GRIN2D: variants seen among roughly 807,000 people sequenced by gnomAD.
GRIN2D encodes glutamate ionotropic receptor NMDA type subunit 2D.
In GRIN2D, 37 loss-of-function variants were observed where a neutral mutation model predicts 103.2. The ratio of observed to expected loss-of-function variants is 0.36; its 90% CI spans 0.28 to 0.47. GRIN2D has a LOEUF of 0.47. GRIN2D is among the 20% of genes least tolerant of loss of function. GRIN2D has a pLI of 1.00. For synonymous variants in GRIN2D, 845 were observed against 885.6 expected (o/e 0.95, Z 0.81); for missense variants, 1,557 against 1,910.6 (o/e 0.81, Z 3.45).
Position 48,414,682 on chromosome 19 carries a change from AC to A in GRIN2D, c.1412+101del. Reference sequence around the variant, plus strand: ...GCCCCCTCCTCCCTTGGGACCCAGGACCCACAAAGCCCTCCAGCTTGGTGAC... The same window carrying A: ...GCCCCCTCCTCCCTTGGGACCCAGGACCACAAAGCCCTCCAGCTTGGTGAC... On this transcript the variant is annotated intron_variant, in intron 6 of 13. Coordinates refer to ENST00000263269, the MANE Select transcript of GRIN2D (RefSeq NM_000836.4). The surrounding 1 kb of genome is among the most constrained non-coding windows in gnomAD (Gnocchi z 4.6). 7.8e-7 allele frequency: 1 copy of A among 1,286,440 alleles called. No individual in the cohort carries two copies. Among genetic ancestry groups the A allele is most frequent in the Non-Finnish European group, 1.1e-6 (1 of 924,240 alleles). The allele number at this position is 1,286,440 out of a possible 1,614,324, so 79.7% of individuals were successfully genotyped here. A position where few individuals can be genotyped will look rare whatever the true frequency, so the allele number is the denominator to read the frequency against.
At chr19:48,437,118 T>C (rs1971241981) in intron 11 of GRIN2D, among the ~76,000 whole-genome samples, 1 of 152,098 alleles carries the variant, frequency 6.6e-6, no homozygotes, top group East Asian at 1.9e-4. Flanking sequence ...GAGGTCTTTT[T>C]GTTTTGTTTT....
Position 48,442,977 on chromosome 19 carries a change from C to G in GRIN2D, c.3051C>G (p.Ala1017=). ...YFAIVRDKEP[A]EPPAGAFPGF... ...CCATCGTACGCGACAAGGAGCCAGC[C>G]GAGCCCCCCGCCGGCGCCTTCCCCG... is the stretch of plus-strand genomic sequence containing the variant. The change falls in exon 14 of 14, where the codon GCC becomes GCG. Residue 1017 remains alanine (A), a synonymous_variant. Transcript: ENST00000263269. The surrounding 1 kb of genome is among the most constrained non-coding windows in gnomAD (Gnocchi z 7.2). 1.8e-6 allele frequency: 2 copies of G among 1,119,782 alleles called. No individual in the cohort carries two copies. The highest frequency in any genetic ancestry group is 2.2e-6 in the Non-Finnish European group (2 of 908,960). The allele number at this position is 1,119,782 out of a possible 1,614,324, so 69.4% of individuals were successfully genotyped here. A position where few individuals can be genotyped will look rare whatever the true frequency, so the allele number is the denominator to read the frequency against.
intron 4 of GRIN2D, among the ~76,000 whole-genome samples, chr19:48,412,410 GAA>G (rs1970874734): frequency 7.6e-6 from 1 of 132,006 alleles, no homozygotes; most frequent in African/African-American, 2.8e-5. Flanking sequence ...AAGAAAGAAA[GAA>G]AGAGAAAGAA....
chr19:48,397,231 T>G (rs1970653574), intron 2 of GRIN2D, among the ~76,000 whole-genome samples: 1 of 152,034 alleles, frequency 6.6e-6, no homozygotes. Flanking sequence ...GTGGTCAGGG[T>G]GAGGAGTAAG....
chr19:48,410,845 C>T (rs1338679876), intron 4 of GRIN2D, among the ~76,000 whole-genome samples: 1 of 151,862 alleles, frequency 6.6e-6, no homozygotes, highest in Non-Finnish European at 1.5e-5. Flanking sequence ...ACTTGGGGAC[C>T]GATAGGCTGG....
intron 8 of GRIN2D, among the ~76,000 whole-genome samples, chr19:48,418,534 G>C (rs1970975347): frequency 6.6e-6 from 1 of 152,134 alleles, no homozygotes; most frequent in Admixed American, 6.6e-5. Context: ...CAGGAGGCTG[G>C]GGAAATGGTT....
Position 48,442,626 on chromosome 19 carries a change from G to A in GRIN2D, c.2700G>A (p.Glu900=). 1 of 1,498,870 alleles carries A rather than the reference G, an allele frequency of 6.7e-7. No homozygotes were observed. Among genetic ancestry groups the A allele is most frequent in the Non-Finnish European group, 8.9e-7 (1 of 1,126,390 alleles). 92.8% of individuals were successfully genotyped at this position (1,498,870 alleles called of 1,614,324 possible). A position where few individuals can be genotyped will look rare whatever the true frequency, so the allele number is the denominator to read the frequency against. Residue 900 remains glutamate, a synonymous_variant, in exon 14 of 14, where the codon GAG becomes GAA. Coordinates refer to ENST00000263269, the MANE Select transcript of GRIN2D (RefSeq NM_000836.4). The surrounding 1 kb of genome is among the most constrained non-coding windows in gnomAD (Gnocchi z 7.2). Reference sequence around the variant, plus strand: ...GCATGTACAGCTGCTGCAGCGCTGAGGCCGCCCCACCGCCCGCCAAGCCCC... The same window carrying A: ...GCATGTACAGCTGCTGCAGCGCTGAAGCCGCCCCACCGCCCGCCAAGCCCC... The part of the protein sequence containing the change: ...SRGMYSCCSA[E]AAPPPAKPPP...
At position 48,418,741 on chromosome 19, in the gene GRIN2D, C is replaced by T. The variant is rs559594007; in HGVS notation, c.1736-493C>T. On this transcript the variant is annotated intron_variant, in intron 8 of 13. Transcript: ENST00000263269. The stretch of plus-strand genomic sequence containing the variant: ...ATGGTGGGGCTCCCATCATGAGGAG[C>T]GTGGGAGCTGGTCTGGGCTCAGCAT... Among the ~76,000 whole-genome samples the T allele has an allele frequency of 2.5e-3, 383 of 151,952 alleles. 3 individuals are homozygous for T. Among genetic ancestry groups the T allele is most frequent in the African/African-American group, 8.9e-3 (367 of 41,446 alleles).
At position 48,421,587 on chromosome 19, in the gene GRIN2D, T is replaced by A. The variant is rs1971024112; in HGVS notation, c.2092-198T>A. On this transcript the variant is annotated intron_variant, in intron 10 of 13. Transcript: ENST00000263269. This position sits in a 1 kb window ranked among gnomAD's most constrained non-coding sequence, Gnocchi z 4.8. Reference sequence around the variant, plus strand: ...CCTCAGGGAGGCTTCTCGTGAACTTTTGGATCACGTGTCTGCAACCGTGTG... The same window carrying A: ...CCTCAGGGAGGCTTCTCGTGAACTTATGGATCACGTGTCTGCAACCGTGTG... Among the ~76,000 whole-genome samples, 2 of 152,128 alleles carry A rather than the reference T, an allele frequency of 1.3e-5. No homozygotes were observed. The highest frequency in any genetic ancestry group is 2.9e-5 in the Non-Finnish European group (2 of 68,028).
chr19:48,412,469 GAAAGAAAGAA>G (rs1569063233), intron 4 of GRIN2D, among the ~76,000 whole-genome samples: 24 of 149,948 alleles, frequency 1.6e-4, no homozygotes, highest in African/African-American at 5.4e-4. Context: ...AAGAAAGAAA[GAAAGAAAGAA>G]AGAGAGAGAA....
rs758926779 is a variant in GRIN2D, at chr19:48,405,243, C to G, written c.975C>G (p.Ala325=). Residue 325 remains alanine (A), a synonymous_variant, in exon 4 of 14, where the codon GCC becomes GCG. Transcript: ENST00000263269. This position sits in a 1 kb window ranked among gnomAD's most constrained non-coding sequence, Gnocchi z 5.1. ...CTCGGCGAGTGGCAGCTGGCGTGGC[C>G]GTAGTGGCCAGAGGTGCCCAGGCCC... ...DLARRVAAGV[A]VVARGAQALL... 1 of 1,597,852 alleles carries G rather than the reference C, an allele frequency of 6.3e-7. No individual in the cohort carries two copies. The highest frequency in any genetic ancestry group is 8.5e-7 in the Non-Finnish European group (1 of 1,177,216).
At position 48,442,920 on chromosome 19, in the gene GRIN2D, G is replaced by GC; in HGVS notation, c.2999dup (p.Gln1001AlafsTer331). The GC allele has an allele frequency of 8.9e-7, 1 of 1,121,204 alleles. No homozygotes were observed. Among genetic ancestry groups the GC allele is most frequent in the Non-Finnish European group, 1.1e-6 (1 of 913,494 alleles). The allele number at this position is 1,121,204 out of a possible 1,614,324, so 69.5% of individuals were successfully genotyped here. A position where few individuals can be genotyped will look rare whatever the true frequency, so the allele number is the denominator to read the frequency against. On this transcript the variant is annotated frameshift_variant, in exon 14 of 14. Transcript: ENST00000263269. LOFTEE classifies it high-confidence loss of function. The surrounding 1 kb of genome is among the most constrained non-coding windows in gnomAD (Gnocchi z 7.2). The stretch of plus-strand genomic sequence containing the variant: ...GCCCGCTGTCCCCGCCGGCCGCTCA[G>GC]CCCCCGCAGAAGCCGCCGCCCTCCT...
intron 4 of GRIN2D, among the ~76,000 whole-genome samples, chr19:48,413,204 G>A (rs534621408): frequency 7.0e-6 from 1 of 142,556 alleles, no homozygotes; most frequent in Non-Finnish European, 1.5e-5. Flanking sequence ...AGAGGGCATG[G>A]TGGCTCATGC....
chr19:48,420,252 C>A (rs1258246109), intron 10 of GRIN2D, among the ~76,000 whole-genome samples: 1 of 151,256 alleles, frequency 6.6e-6, no homozygotes, highest in African/African-American at 2.4e-5. Context: ...CACGGTGAAA[C>A]CCCGTCTCTT....
intron 10 of GRIN2D, among the ~76,000 whole-genome samples, chr19:48,420,181 C>T (rs1484303170): frequency 6.6e-6 from 1 of 152,100 alleles, no homozygotes; most frequent in Non-Finnish European, 1.5e-5. Flanking sequence ...GTAATCCCAG[C>T]ACGTTGGGAG....
In GRIN2D at chr19:48,438,368, G is replaced by A. The variant is rs541882906; in HGVS notation, c.2253-3401G>A. Reference sequence around the variant, plus strand: ...GGCTGGAGTGTAGTGGTGCGATCTCGGCTCACTGCAACCTCTGCCTCCCGA... The same window carrying A: ...GGCTGGAGTGTAGTGGTGCGATCTCAGCTCACTGCAACCTCTGCCTCCCGA... On this transcript the variant is annotated intron_variant, in intron 11 of 13. Transcript: ENST00000263269. 1.7e-4 allele frequency among the ~76,000 whole-genome samples: 22 copies of A among 132,506 alleles called. No individual in the cohort carries two copies. The South Asian group carries it at 2.9e-3, about 17-fold the overall frequency. 86.9% of individuals were successfully genotyped at this position (132,506 alleles called of 152,430 possible).
Position 48,441,791 on chromosome 19 carries a change from G to C in GRIN2D, c.2275G>C (p.Asp759His). The C allele has an allele frequency of 6.2e-7, 1 of 1,612,382 alleles. No individual in the cohort carries two copies. The highest frequency in any genetic ancestry group is 8.5e-7 in the Non-Finnish European group (1 of 1,178,846). ...CAGGAAGCTGGACGCCTTCATCTAC[G>C]ATGCTGCAGTGCTCAATTACATGGC... is the stretch of plus-strand genomic sequence containing the variant. ...KAGKLDAFIY[D>H]AAVLNYMARK... Residue 759 changes from aspartate to histidine, a missense_variant, in exon 12 of 14, where the codon GAT (aspartate) becomes CAT (histidine). Asp to His is a moderately conservative substitution (Grantham distance 81, BLOSUM62 -1). Transcript: ENST00000263269.
At position 48,415,329 on chromosome 19, in the gene GRIN2D, C is replaced by T. The variant is rs982540838; in HGVS notation, c.1581+297C>T. Among the ~76,000 whole-genome samples the T allele has an allele frequency of 2.4e-4, 36 of 152,008 alleles. 1 individual carries two copies. Among genetic ancestry groups the T allele is most frequent in the Admixed American group, 3.9e-4 (6 of 15,250 alleles). ...GAGGTTGCAGTAAGCGGAGATCGCG[C>T]CACTGCACTCCAGCCTGGGCACAGA... On this transcript the variant is annotated intron_variant, in intron 7 of 13. Transcript: ENST00000263269.
At chr19:48,396,214 G>A (rs1288176577) in intron 2 of GRIN2D, among the ~76,000 whole-genome samples, 1 of 152,072 alleles carries the variant, frequency 6.6e-6, no homozygotes, top group Non-Finnish European at 1.5e-5. Context: ...GCTGGACTCT[G>A]TGATCCCTGA....
Sources: gnomAD v4.1 joint callset for allele counts (sites outside exome capture counted in the v4.1 genomes callset) on GRCh38, gnomAD v4.1.1 for gene constraint, Gnocchi (gnomAD v3.1) non-coding constraint, MANE v1.5 for transcripts, NCBI Gene and HGNC (gene_info 2026-07-23, HGNC 2026-07-21) for gene names.